The following MSN variants were observed in gnomAD, a reference collection of about 807,000 sequenced individuals.
MSN encodes the protein moesin, also known as epididymis luminal protein 70.
Under a neutral mutation model 48.0 loss-of-function variants are expected in MSN, and 2 were observed. The observed-to-expected ratio is 0.04, with a 90% CI of 0.02 to 0.13. The LOEUF (loss-of-function observed/expected upper bound fraction) is 0.13, where lower values mean the gene tolerates loss of function less well. Ranked by LOEUF, MSN falls within the 10% of genes least tolerant of loss-of-function variation. The pLI, the probability that MSN is intolerant of heterozygous loss-of-function variation, is 1.00. For missense variants in MSN, 267 were observed against 470.1 expected, an observed-to-expected ratio of 0.57 and a Z score of 3.99; for synonymous variants, 146 against 166.9, an observed-to-expected ratio of 0.87 and a Z score of 0.97.
At chrX:65,649,070 T>G (rs2070718378) in intron 1 of MSN, among the ~76,000 whole-genome samples, 1 of 108,425 alleles carries the variant, frequency 9.2e-6, no homozygotes, top group Non-Finnish European at 1.9e-5. Flanking sequence ...CTACTCAACT[T>G]ACTACTTCTT....
chrX:65,691,949 A>T (rs896926380), intron 1 of MSN, among the ~76,000 whole-genome samples: 1 of 112,029 alleles, frequency 8.9e-6, no homozygotes, highest in African/African-American at 3.2e-5. Context: ...AGTCCAGAGG[A>T]GAAAGGCCTT....
At chrX:65,667,911 C>T in intron 1 of MSN, 58 bp downstream of exon 1, 1 of 1,152,898 alleles carries the variant, frequency 8.7e-7, no homozygotes, top group Non-Finnish European at 1.2e-6. Flanking sequence ...CCTCATAGCC[C>T]TTTGCTGATG....
chrX:65,635,986 A>C (rs1241834795), intron 1 of MSN, among the ~76,000 whole-genome samples: 1 of 112,275 alleles, frequency 8.9e-6, no homozygotes, highest in African/African-American at 3.2e-5. Flanking sequence ...AGAGGGCACT[A>C]TTAATATCTC....
intron 2 of MSN, among the ~76,000 whole-genome samples, chrX:65,723,585 G>A (rs1009602318): frequency 8.9e-5 from 10 of 111,833 alleles, no homozygotes; most frequent in African/African-American, 3.3e-4. Context: ...GAGCCACAGA[G>A]GTTATTCCTG....
intron 3 of MSN, among the ~76,000 whole-genome samples, chrX:65,728,897 G>A (rs752567984): frequency 1.8e-5 from 2 of 111,388 alleles, no homozygotes; most frequent in African/African-American, 3.3e-5. Flanking sequence ...TTCTCTGATT[G>A]TGTCTAGGGA....
chrX:65,736,111 C>T (rs1245223173), intron 8 of MSN, among the ~76,000 whole-genome samples: 1 of 112,177 alleles, frequency 8.9e-6, no homozygotes. Context: ...GATTACTAGA[C>T]TTGAAGCACT....
intron 12 of MSN, 112 bp downstream of exon 12, chrX:65,739,306 TGGGAGCCCAAGCC>T: frequency 1.3e-6 from 1 of 770,523 alleles, no homozygotes. Context: ...CAGTGTTGTA[TGGGAGCCCAAGCC>T]GTTCTTAAGT....
chrX:65,689,860 T>A (rs1302147765), intron 1 of MSN, among the ~76,000 whole-genome samples: 1 of 111,907 alleles, frequency 8.9e-6, no homozygotes, highest in Admixed American at 9.4e-5. Flanking sequence ...TACATTTTAA[T>A]TTTTTTTCTT....
intron 1 of MSN, among the ~76,000 whole-genome samples, chrX:65,601,733 CTT>C (rs1213388017): frequency 8.9e-6 from 1 of 112,876 alleles, no homozygotes; most frequent in East Asian, 2.8e-4. Flanking sequence ...TCATGGGACA[CTT>C]TGGGCTGCAA....
chrX:65,692,511 A>T (rs2071184041), intron 1 of MSN, among the ~76,000 whole-genome samples: 1 of 112,590 alleles, frequency 8.9e-6, no homozygotes, highest in Non-Finnish European at 1.9e-5. Flanking sequence ...TAGAATGTGA[A>T]AAGAGATATT....
rs891848447 is a variant in MSN, at chrX:65,680,527, C to T, written c.12+12674C>T. Among the ~76,000 whole-genome samples, 54 of 111,531 alleles carry T rather than the reference C, an allele frequency of 4.8e-4. 1 individual carries two copies. Among genetic ancestry groups the T allele is most frequent in the African/African-American group, 1.5e-3 (47 of 30,614 alleles). ...GCATTTGCTAGTATAGATACATTCC[C>T]ATGAATGTGAAAAGAGAAAATTGAA... On this transcript the variant is annotated intron_variant, in intron 1 of 12. Coordinates refer to ENST00000360270, the MANE Select transcript of MSN (RefSeq NM_002444.3).
chrX:65,668,507 C>G (rs1471372563), intron 1 of MSN, among the ~76,000 whole-genome samples: 1 of 111,974 alleles, frequency 8.9e-6, no homozygotes, highest in Non-Finnish European at 1.9e-5. Flanking sequence ...TCTCCCTCCT[C>G]TCCACCTCCA....
intron 1 of MSN, among the ~76,000 whole-genome samples, chrX:65,659,182 C>T (rs1356997451): frequency 9.6e-6 from 1 of 104,506 alleles, no homozygotes; most frequent in Non-Finnish European, 2.0e-5. Context: ...GATGGAGTCT[C>T]ATTCTGTTGC....
intron 1 of MSN, chrX:65,589,587 G>T (rs2070128113): frequency 1.8e-5 from 2 of 112,553 alleles, no homozygotes; most frequent in African/African-American, 3.2e-5. Context: ...CCAAACCTGG[G>T]AAGGGAGAGG....
chrX:65,628,050 C>A (rs1375460242), intron 1 of MSN, among the ~76,000 whole-genome samples: 2 of 112,644 alleles, frequency 1.8e-5, no homozygotes, highest in Non-Finnish European at 3.8e-5. Flanking sequence ...GGCAGCTCCA[C>A]CCTTGTGGCT....
intron 2 of MSN, among the ~76,000 whole-genome samples, chrX:65,719,568 G>A (rs2071497690): frequency 8.9e-6 from 1 of 111,895 alleles, no homozygotes; most frequent in Admixed American, 9.5e-5. Context: ...GGGAGGAAGT[G>A]TCCATAGAAC....
At chrX:65,739,591 A>G in intron 12 of MSN, 138 bp from the exon 13 acceptor site, 1 of 705,950 alleles carries the variant, frequency 1.4e-6, no homozygotes, top group South Asian at 4.2e-5. Flanking sequence ...AGAGTTGGAA[A>G]TGACTCTCAA....
intron 1 of MSN, among the ~76,000 whole-genome samples, chrX:65,709,117 C>T (rs1274439342): frequency 1.8e-5 from 2 of 112,041 alleles, no homozygotes; most frequent in Non-Finnish European, 3.8e-5. Flanking sequence ...GCAGTAAACA[C>T]GAGGGTGCAG....
chrX:65,638,149 A>T (rs1281368535), intron 1 of MSN, among the ~76,000 whole-genome samples: 1 of 112,240 alleles, frequency 8.9e-6, no homozygotes, highest in Non-Finnish European at 1.9e-5. Context: ...TTGCTTCTAG[A>T]TTGTACTCTA....
Sources: gnomAD v4.1 joint callset for allele counts (sites outside exome capture counted in the v4.1 genomes callset) on GRCh38, gnomAD v4.1.1 for gene constraint, MANE v1.5 for transcripts, NCBI Gene and HGNC (gene_info 2026-07-23, HGNC 2026-07-21) for gene names.